MFSD11: variants seen among roughly 807,000 people sequenced by gnomAD.
MFSD11 encodes the protein major facilitator superfamily domain containing 11, also known as UNC93-like protein MFSD11.
In MFSD11, 36 loss-of-function variants were observed where a neutral mutation model predicts 53.5. The ratio of observed to expected loss-of-function variants is 0.67; its 90% CI spans 0.52 to 0.89. The LOEUF is 0.89. Among genes scored for constraint, MFSD11 ranks in the 40% least tolerant of loss-of-function variants. The pLI is 0.00. For synonymous variants in MFSD11, 186 were observed against 184.9 expected, an observed-to-expected ratio of 1.01 and a Z score of -0.05; for missense variants, 530 against 543.9, an observed-to-expected ratio of 0.97 and a Z score of 0.25.
chr17:76,749,210 C>T (rs2144316889), intron 7 of MFSD11, among the ~76,000 whole-genome samples: 1 of 152,154 alleles, frequency 6.6e-6, no homozygotes, highest in East Asian at 1.9e-4. Flanking sequence ...CAAAAAGGAG[C>T]CACAGGATGA....
At chr17:76,741,824 T>G in intron 3 of MFSD11, 145 bp from the exon 4 acceptor site, 1 of 1,253,920 alleles carries the variant, frequency 8.0e-7, no homozygotes, top group Non-Finnish European at 1.1e-6. Flanking sequence ...GAAAGTTGAT[T>G]GTGTCCCTTT....
intron 6 of MFSD11, 125 bp from the exon 7 acceptor site, chr17:76,744,197 C>A: frequency 1.2e-6 from 1 of 851,288 alleles, no homozygotes; most frequent in Non-Finnish European, 1.7e-6. Context: ...TAGGTTTTTA[C>A]TGATGCATTA....
At chr17:76,739,303 G>A (rs1009106264) in intron 2 of MFSD11, among the ~76,000 whole-genome samples, 2 of 152,150 alleles carry the variant, frequency 1.3e-5, no homozygotes, top group African/African-American at 4.8e-5. Flanking sequence ...GCATGGCATT[G>A]AATAAGCACT....
downstream of MFSD11, among the ~76,000 whole-genome samples, chr17:76,780,618 C>T (rs999913853): frequency 2.6e-5 from 4 of 151,674 alleles, no homozygotes; most frequent in African/African-American, 7.3e-5. Flanking sequence ...CAGGTTAAAG[C>T]GATTCTCCTG....
chr17:76,745,960 C>T (rs2078507007), intron 7 of MFSD11, among the ~76,000 whole-genome samples: 1 of 152,132 alleles, frequency 6.6e-6, no homozygotes, highest in Non-Finnish European at 1.5e-5. Context: ...CACCACCACA[C>T]CCGGCTAATG....
At chr17:76,763,334 G>A (rs965745188) in intron 8 of MFSD11, among the ~76,000 whole-genome samples, 8 of 151,092 alleles carry the variant, frequency 5.3e-5, no homozygotes, top group Non-Finnish European at 7.4e-5. Flanking sequence ...GCACAATCTC[G>A]ACTCACTGCA....
downstream of MFSD11, among the ~76,000 whole-genome samples, chr17:76,780,785 A>T (rs571569467): frequency 6.6e-6 from 1 of 152,292 alleles, no homozygotes; most frequent in East Asian, 1.9e-4. Context: ...AAGTGCTGGG[A>T]TTACAGGCGT....
chr17:76,799,955 C>CTTTTTTTT, the MFSD11 span, among the ~76,000 whole-genome samples: 1 of 138,860 alleles, frequency 7.2e-6, no homozygotes, highest in African/African-American at 2.7e-5. Context: ...TTTCTTTTTC[C>CTTTTTTTT]TTTTTTTTTT....
chr17:76,796,165 T>C, the MFSD11 span, among the ~76,000 whole-genome samples: 10 of 152,298 alleles, frequency 6.6e-5, no homozygotes, highest in South Asian at 2.1e-3. Flanking sequence ...CCTTTGTTCA[T>C]ATTGTATTTC....
the MFSD11 span, among the ~76,000 whole-genome samples, chr17:76,793,586 C>T: frequency 6.6e-6 from 1 of 151,296 alleles, no homozygotes; most frequent in Non-Finnish European, 1.5e-5. Flanking sequence ...CATACATCCT[C>T]CTCAGTTTAC....
intron 7 of MFSD11, 108 bp downstream of exon 7, chr17:76,744,574 G>T: frequency 1.1e-6 from 1 of 917,924 alleles, no homozygotes. Flanking sequence ...ACTCTCTGTA[G>T]GTTACCACAG....
downstream of MFSD11, among the ~76,000 whole-genome samples, chr17:76,779,456 G>A (rs1225643405): frequency 2.0e-5 from 3 of 151,748 alleles, no homozygotes; most frequent in Non-Finnish European, 4.4e-5. Flanking sequence ...GGTAAAAATT[G>A]TCATAAGTCT....
chr17:76,790,112 C>G, the MFSD11 span, among the ~76,000 whole-genome samples: 447 of 141,714 alleles, frequency 3.2e-3, 22 homozygotes, highest in Admixed American at 0.029. Context: ...GACAGAGTCT[C>G]ACTCTGTTGC....
chr17:76,769,999 GTT>G, intron 10 of MFSD11, 128 bp downstream of exon 10: 1 of 626,472 alleles, frequency 1.6e-6, no homozygotes, highest in Non-Finnish European at 2.5e-6. Context: ...CCAAACGTGT[GTT>G]TTTATTTTTC....
the MFSD11 span, among the ~76,000 whole-genome samples, chr17:76,792,956 GTTTTTATTAGTGATT>G: frequency 6.6e-6 from 1 of 151,452 alleles, no homozygotes; most frequent in Admixed American, 6.6e-5. Context: ...AAACCAGCAA[GTTTTTATTAGTGATT>G]TTCAAAGGGG....
chr17:76,764,394 CA>C (rs1238529760), intron 8 of MFSD11, among the ~76,000 whole-genome samples: 1 of 152,164 alleles, frequency 6.6e-6, no homozygotes, highest in Non-Finnish European at 1.5e-5. Context: ...ACTCTTTAAC[CA>C]ACGTCTCCCT....
upstream of MFSD11, chr17:76,736,669 C>G: frequency 8.2e-7 from 1 of 1,222,114 alleles, no homozygotes; most frequent in East Asian, 3.2e-5. Flanking sequence ...GCCGGAGGGT[C>G]GCGAGACGCG....
At chr17:76,777,380 T>C (rs2081945306) in intron 12 of MFSD11, among the ~76,000 whole-genome samples, 1 of 151,662 alleles carries the variant, frequency 6.6e-6, no homozygotes, top group Non-Finnish European at 1.5e-5. Flanking sequence ...ATTACAGGAG[T>C]GCACTACCAT....
intron 8 of MFSD11, among the ~76,000 whole-genome samples, chr17:76,766,116 T>G (rs999047604): frequency 2.6e-5 from 4 of 151,162 alleles, no homozygotes; most frequent in Non-Finnish European, 5.9e-5. Context: ...GTCTTCTGAT[T>G]TTTCTAAAAT....
Sources: allele counts gnomAD v4.1 joint callset (sites outside exome capture counted in the v4.1 genomes callset), GRCh38; gene constraint gnomAD v4.1.1; transcripts MANE v1.5; gene names NCBI Gene and HGNC (gene_info 2026-07-23, HGNC 2026-07-21).